METAP2: variants seen among roughly 807,000 people sequenced by gnomAD.
The protein encoded by METAP2 is methionyl aminopeptidase 2.
A neutral mutation model predicts 59.4 loss-of-function variants in METAP2; 25 were observed. That is an observed-to-expected ratio of 0.42 (90% CI 0.31 to 0.59). The LOEUF (loss-of-function observed/expected upper bound fraction) is 0.59, where lower values mean the gene tolerates loss of function less well. Ranked by LOEUF, METAP2 falls within the 20% of genes least tolerant of loss-of-function variation. The pLI is 0.16. For synonymous variants in METAP2, 214 were observed against 194.1 expected (o/e 1.10, Z -0.85); for missense variants, 366 against 581.2 (o/e 0.63, Z 3.81).
intron 7 of METAP2, 123 bp downstream of exon 7, chr12:95,496,221 T>C (rs757506104): frequency 1.0e-4 from 59 of 570,140 alleles, no homozygotes; most frequent in Middle Eastern, 2.8e-4. Context: ...TTAAGAGGAA[T>C]AAAATTGATC....
In METAP2 at chr12:95,513,947, T is replaced by C. The variant is rs1191492617; in HGVS notation, c.*43T>C. On this transcript the variant is annotated 3_prime_UTR_variant, in exon 11 of 11. Coordinates refer to ENST00000323666, the MANE Select transcript of METAP2 (RefSeq NM_006838.4). ...CTCAACACCTTTATTTTCTGAGCTT[T>C]GTTGGAAAACATGATACCAGAATTA... 2.6e-6 allele frequency: 4 copies of C among 1,565,288 alleles called. No homozygotes were observed. Among genetic ancestry groups the C allele is most frequent in the Non-Finnish European group, 2.6e-6 (3 of 1,155,280 alleles).
chr12:95,491,555 G>A (rs1304932201), intron 4 of METAP2, among the ~76,000 whole-genome samples: 1 of 152,186 alleles, frequency 6.6e-6, no homozygotes, highest in Non-Finnish European at 1.5e-5. Context: ...CTGTCGCCCA[G>A]GCTGGAGTGC....
At chr12:95,496,861 G>A (rs1314943888) in intron 7 of METAP2, among the ~76,000 whole-genome samples, 1 of 97,802 alleles carries the variant, frequency 1.0e-5, no homozygotes, top group Admixed American at 1.6e-4. Context: ...GTCTTACTCT[G>A]TTGCCCAGGC....
chr12:95,479,128 A>G (rs1044482214), intron 2 of METAP2, among the ~76,000 whole-genome samples: 3 of 152,190 alleles, frequency 2.0e-5, no homozygotes, highest in African/African-American at 7.2e-5. Context: ...ACCTGTATAC[A>G]GGGTTGTTTA....
Position 95,492,132 on chromosome 12 carries a change from T to TG in METAP2, c.429-1924_429-1923insG, listed in dbSNP as rs1555191428. On this transcript the variant is annotated intron_variant, in intron 4 of 10. Transcript: ENST00000323666. ...CTATCGTGTGTATGTATATGTGTGTTTGTGTGTGTGTGTGTGTGTGTGTAT... is the reference window on the plus strand; with the variant it reads ...CTATCGTGTGTATGTATATGTGTGTTGTGTGTGTGTGTGTGTGTGTGTGTAT... Among the ~76,000 whole-genome samples the TG allele has an allele frequency of 9.0e-3, 1,344 of 149,426 alleles. 28 individuals carry two copies. The highest frequency in any genetic ancestry group is 0.032 in the African/African-American group (1,283 of 40,418).
At chr12:95,493,913 T>C (rs1224519765) in intron 4 of METAP2, 143 bp from the exon 5 acceptor site, 1 of 655,138 alleles carries the variant, frequency 1.5e-6, no homozygotes, top group African/African-American at 1.9e-5. Context: ...GTGTTTGGCT[T>C]TTTGTATTTC....
intron 8 of METAP2, among the ~76,000 whole-genome samples, chr12:95,505,221 A>G (rs945134197): frequency 2.0e-5 from 3 of 152,204 alleles, no homozygotes; most frequent in African/African-American, 7.2e-5. Flanking sequence ...TGTTTCTACC[A>G]AGAGCAGAAG....
intron 3 of METAP2, among the ~76,000 whole-genome samples, chr12:95,484,642 A>G (rs1423069008): frequency 6.6e-6 from 1 of 152,138 alleles, no homozygotes; most frequent in African/African-American, 2.4e-5. Context: ...TGATGCCATT[A>G]ACATTTGTTC....
chr12:95,497,960 T>TA (rs1431354144), intron 7 of METAP2, among the ~76,000 whole-genome samples: 3 of 149,072 alleles, frequency 2.0e-5, no homozygotes, highest in Non-Finnish European at 4.4e-5. Flanking sequence ...ACCCCGTCTC[T>TA]ACTAAAAATA....
chr12:95,476,448 GTTGCAGTGAGCTGAGA>G (rs902177081), intron 2 of METAP2, among the ~76,000 whole-genome samples: 2 of 151,926 alleles, frequency 1.3e-5, no homozygotes, highest in Non-Finnish European at 2.9e-5. Context: ...AGAGATGGAG[GTTGCAGTGAGCTGAGA>G]TTGCACCACT....
intron 9 of METAP2, 37 bp from the exon 10 acceptor site, chr12:95,512,761 TTTC>T: frequency 9.0e-7 from 1 of 1,108,032 alleles, no homozygotes; most frequent in South Asian, 1.3e-5. Context: ...GTTCTGAATT[TTTC>T]TTCTTTCTCT....
Position 95,513,957 on chromosome 12 carries a change from CATG to C in METAP2, c.*56_*58del. The C allele has an allele frequency of 3.2e-6, 5 of 1,544,784 alleles. No individual in the cohort carries two copies. Among genetic ancestry groups the C allele is most frequent in the South Asian group, 2.5e-5 (2 of 80,614 alleles). On this transcript the variant is annotated 3_prime_UTR_variant, in exon 11 of 11. Transcript: ENST00000323666. The stretch of plus-strand genomic sequence containing the variant: ...TTATTTTCTGAGCTTTGTTGGAAAA[CATG>C]ATACCAGAATTAATTTGCCACATGT...
rs377493820 is a variant in METAP2 at position 95,512,785 on chromosome 12, CTTAT to C, written c.1069-9_1069-6del. 1.6e-5 allele frequency: 22 copies of C among 1,417,706 alleles called. No individual in the cohort carries two copies. The Admixed American group carries it at 1.7e-4, about 11-fold the overall frequency. The allele number at this position is 1,417,706 out of a possible 1,614,324, so 87.8% of individuals were successfully genotyped here. A position where few individuals can be genotyped will look rare whatever the true frequency, so the allele number is the denominator to read the frequency against. Reference sequence around the variant, plus strand: ...TTTTCTTCTTTCTCTCCCCTTGACCCTTATTTATTTTTCAGGAAGGAGAAGTATA... The same window carrying C: ...TTTTCTTCTTTCTCTCCCCTTGACCCTTATTTTTCAGGAAGGAGAAGTATA... On this transcript the variant is annotated splice_polypyrimidine_tract_variant and intron_variant, in intron 9 of 10. Coordinates refer to ENST00000323666, the MANE Select transcript of METAP2 (RefSeq NM_006838.4).
At position 95,476,217 on chromosome 12, in the gene METAP2, G is replaced by A. The variant is rs201328194; in HGVS notation, c.259+39G>A. The stretch of plus-strand genomic sequence containing the variant: ...TTGATCTTTGTGGTTAGAAAAGCTA[G>A]AAAATGTAGCCGGGTGTGGTGGCAC... On this transcript the variant is annotated intron_variant, in intron 2 of 10. Coordinates refer to ENST00000323666, the MANE Select transcript of METAP2 (RefSeq NM_006838.4). 91 of 1,409,428 alleles carry A rather than the reference G, an allele frequency of 6.5e-5. No homozygotes were observed. In the East Asian group the frequency reaches 1.4e-3, roughly 21 times the overall value. 87.3% of individuals were successfully genotyped at this position (1,409,428 alleles called of 1,614,324 possible).
intron 4 of METAP2, among the ~76,000 whole-genome samples, chr12:95,489,192 T>C (rs921501717): frequency 7.2e-5 from 11 of 152,220 alleles, no homozygotes; most frequent in African/African-American, 2.7e-4. Context: ...TGTTAACAGA[T>C]TGTTAATACT....
intron 7 of METAP2, among the ~76,000 whole-genome samples, chr12:95,502,765 C>G (rs1304630712): frequency 1.3e-5 from 2 of 151,870 alleles, no homozygotes; most frequent in Non-Finnish European, 1.5e-5. Flanking sequence ...CTTTTTTATT[C>G]TTAGACTTGG....
chr12:95,488,219 G>C (rs1480331253), intron 4 of METAP2, among the ~76,000 whole-genome samples: 2 of 151,750 alleles, frequency 1.3e-5, no homozygotes, highest in Admixed American at 6.6e-5. Flanking sequence ...CTGAGTTCCG[G>C]CCAGGCATGG....
intron 4 of METAP2, among the ~76,000 whole-genome samples, chr12:95,490,695 T>C (rs552562528): frequency 9.1e-4 from 138 of 152,036 alleles, no homozygotes; most frequent in African/African-American, 3.2e-3. Flanking sequence ...TTAGTAGTTA[T>C]AGTAATGTTT....
intron 4 of METAP2, among the ~76,000 whole-genome samples, chr12:95,492,423 T>C (rs1381694219): frequency 2.0e-5 from 3 of 151,818 alleles, no homozygotes; most frequent in Non-Finnish European, 4.4e-5. Context: ...TTATAAGGAG[T>C]TTTGGGGGAG....
Sources: gnomAD v4.1 joint callset for allele counts (sites outside exome capture counted in the v4.1 genomes callset) on GRCh38, gnomAD v4.1.1 for gene constraint, MANE v1.5 for transcripts, NCBI Gene and HGNC (gene_info 2026-07-23, HGNC 2026-07-21) for gene names.